Variants in ZNF880 observed in about 807,000 individuals in gnomAD.
The protein encoded by ZNF880 is zinc finger protein LOC400713.
Under a neutral mutation model 11.8 loss-of-function variants are expected in ZNF880, and 12 were observed. The observed-to-expected ratio is 1.02, with a 90% confidence interval of 0.65 to 1.65. The LOEUF is 1.65. Among genes scored for constraint, ZNF880 ranks in the 40% most tolerant of loss-of-function variants. The pLI, the probability that ZNF880 is intolerant of heterozygous loss-of-function variation, is 0.00. For synonymous variants in ZNF880, 210 were observed against 232.4 expected, an observed-to-expected ratio of 0.90 and a Z score of 0.88; for missense variants, 601 against 673.9, an observed-to-expected ratio of 0.89 and a Z score of 1.20.
At chr19:52,388,282 CTTTT>C (rs68179783), downstream of ZNF880, among the ~76,000 whole-genome samples, 4 of 63,414 alleles carry the variant, frequency 6.3e-5, no homozygotes, top group East Asian at 3.8e-4. Context: ...GCAATTTGAA[CTTTT>C]TTTTTTTTTT....
upstream of ZNF880, among the ~76,000 whole-genome samples, chr19:52,369,219 C>G (rs1331983862): frequency 1.3e-5 from 2 of 150,692 alleles, no homozygotes; most frequent in Middle Eastern, 6.8e-3. Context: ...AAAAGTAGCC[C>G]GGTGTGGTGG....
At chr19:52,376,467 G>A (rs1986552858) in intron 3 of ZNF880, among the ~76,000 whole-genome samples, 1 of 128,724 alleles carries the variant, frequency 7.8e-6, no homozygotes, top group Non-Finnish European at 1.6e-5. Context: ...ATTTTCTTTT[G>A]ACAATTGTCT....
At chr19:52,369,771 C>A, upstream of ZNF880, 2 of 630,086 alleles carry the variant, frequency 3.2e-6, no homozygotes, top group Non-Finnish European at 5.6e-6. Flanking sequence ...TCTGCCGGGA[C>A]ACAATCTATT....
intron 3 of ZNF880, among the ~76,000 whole-genome samples, chr19:52,380,332 T>G (rs1025484430): frequency 6.6e-6 from 1 of 152,064 alleles, no homozygotes. Context: ...TATTCCATAT[T>G]GGATGTGAGA....
chr19:52,377,887 A>G (rs1005534617), intron 3 of ZNF880, among the ~76,000 whole-genome samples: 29 of 152,126 alleles, frequency 1.9e-4, no homozygotes, highest in African/African-American at 7.0e-4. Context: ...TTGCTCTGTC[A>G]CAGGCTGTAG....
intron 1 of ZNF880, among the ~76,000 whole-genome samples, chr19:52,372,286 ACT>A (rs1986397849): frequency 6.9e-6 from 1 of 145,760 alleles, no homozygotes; most frequent in African/African-American, 2.7e-5. Context: ...AGAAATCTCT[ACT>A]AATTTTTTTT....
Position 52,378,471 on chromosome 19 carries a change from C to T in ZNF880, c.268+4044C>T, listed in dbSNP as rs557583335. On this transcript the variant is annotated intron_variant, in intron 3 of 3. Transcript: ENST00000422689. ...CATCCTGGCCAACATGGTGAAACCCCGTCTCTACTAAGAATATAAAAAAAA... is the reference window on the plus strand; with the variant it reads ...CATCCTGGCCAACATGGTGAAACCCTGTCTCTACTAAGAATATAAAAAAAA... Among the ~76,000 whole-genome samples the T allele has an allele frequency of 1.6e-4, 24 of 151,622 alleles. No individual in the cohort carries two copies. In the East Asian group the frequency reaches 3.9e-3, roughly 25 times the overall value.
the ZNF880 span, among the ~76,000 whole-genome samples, chr19:52,392,292 TTC>T: frequency 6.6e-6 from 1 of 151,302 alleles, no homozygotes; most frequent in African/African-American, 2.4e-5. Context: ...CTTCCTCCCT[TTC>T]TCTCTCTCTT....
Position 52,384,266 on chromosome 19 carries a change from A to C in ZNF880, c.686A>C (p.Gln229Pro). The change falls in exon 4 of 4, where the codon CAA becomes CCA. Residue 229 changes from glutamine to proline, a missense_variant. Gln to Pro is a moderately conservative substitution (Grantham distance 76). Around this residue, in one of 3 missense-constraint regions of ZNF880, gnomAD observed 420 missense variants for 442.6 expected, o/e 0.95. Coordinates refer to ENST00000422689, the MANE Select transcript of ZNF880 (RefSeq NM_001145434.2). ...TTCAGTAACAGTTCAAACCTTGTAC[A>C]ACATCAAAGAATTCATACTGGAGAG... Reference protein sequence around the residue: ...KVFSNSSNLVQHQRIHTGEKP... With the variant: ...KVFSNSSNLVPHQRIHTGEKP... The C allele has an allele frequency of 6.2e-7, 1 of 1,613,442 alleles. No homozygotes were observed.
At chr19:52,397,159 T>TTG in the ZNF880 span, 1 of 151,288 alleles carries the variant, frequency 6.6e-6, no homozygotes, top group African/African-American at 2.4e-5. Flanking sequence ...CTGGCTTTTT[T>TTG]TTTTTAAAGA....
At position 52,384,692 on chromosome 19, in the gene ZNF880, A is replaced by G. The variant is rs757806130; in HGVS notation, c.1112A>G (p.Gln371Arg). Reference protein sequence around the residue: ...FNRNAHLTRHQRIHTGEKPYE... With the variant: ...FNRNAHLTRHRRIHTGEKPYE... The stretch of plus-strand genomic sequence containing the variant: ...CGAAATGCACACCTTACCAGACATC[A>G]AAGAATCCATACTGGAGAGAAACCT... The change falls in exon 4 of 4, where the codon CAA (glutamine) becomes CGA (arginine). Residue 371 changes from glutamine (Q) to arginine (R), a missense_variant. Physicochemically the swap from Gln to Arg is conservative, Grantham distance 43. Transcript: ENST00000422689. 1.2e-6 allele frequency: 2 copies of G among 1,613,270 alleles called. No individual in the cohort carries two copies. Among genetic ancestry groups the G allele is most frequent in the East Asian group, 2.2e-5 (1 of 44,860 alleles).
chr19:52,381,648 A>AT (rs34824772), intron 3 of ZNF880, among the ~76,000 whole-genome samples: 112,278 of 151,828 alleles, frequency 0.74, 42,149 homozygotes, highest in Middle Eastern at 0.85. Context: ...AATCTTGTAG[A>AT]TTTTTTTCCC....
rs866817944 is a variant in ZNF880 at position 52,385,105 on chromosome 19, C to T, written c.1525C>T (p.Arg509Ter). 7.7e-6 allele frequency: 12 copies of T among 1,558,064 alleles called. No individual in the cohort carries two copies. Among genetic ancestry groups the T allele is most frequent in the African/African-American group, 4.1e-5 (3 of 73,080 alleles). The change falls in exon 4 of 4, where the codon CGA becomes TGA. Residue 509 changes from arginine (R) to a stop codon, truncating the protein, a stop_gained. Coordinates refer to ENST00000422689, the MANE Select transcript of ZNF880 (RefSeq NM_001145434.2). LOFTEE classifies it low-confidence loss of function (END_TRUNC). ...KVFSHNSHLA[R>*]HRQIHTGEKS... ...CTTTAGTCACAATTCACACCTTGCA[C>T]GACATAGGCAAATTCATACTGGAGA...
chr19:52,373,299 G>A, intron 2 of ZNF880, 62 bp downstream of exon 2: 1 of 1,538,474 alleles, frequency 6.5e-7, no homozygotes, highest in Non-Finnish European at 8.8e-7. Context: ...ATTTTGTCGT[G>A]TGCCTCTTAG....
Position 52,385,419 on chromosome 19 carries a change from C to A in ZNF880, c.*105C>A. 7.8e-7 allele frequency: 1 copy of A among 1,278,904 alleles called. No homozygotes were observed. The highest frequency in any genetic ancestry group is 1.1e-6 in the Non-Finnish European group (1 of 933,810). The allele number at this position is 1,278,904 out of a possible 1,614,324, so 79.2% of individuals were successfully genotyped here. A position where few individuals can be genotyped will look rare whatever the true frequency, so the allele number is the denominator to read the frequency against. On this transcript the variant is annotated 3_prime_UTR_variant, in exon 4 of 4. Coordinates refer to ENST00000422689, the MANE Select transcript of ZNF880 (RefSeq NM_001145434.2). ...AACTGAGTATGGCAAACTCTTCATG[C>A]TAAGTTCTAGCATTAATCAACATCA...
upstream of ZNF880, among the ~76,000 whole-genome samples, chr19:52,369,583 C>CA (rs1217403819): frequency 2.6e-5 from 4 of 152,056 alleles, no homozygotes; most frequent in Non-Finnish European, 5.9e-5. Context: ...CTCTCATGCC[C>CA]AGGCGGGAGT....
rs775112878 is a variant in ZNF880, at chr19:52,384,851, C to A, written c.1271C>A (p.Thr424Asn). ...GCATTTAGAGACTGTTCAGGCCTTA[C>A]TGCCCATCTACTAATTCACACTGGA... ...GKAFRDCSGL[T>N]AHLLIHTGEK... Residue 424 changes from threonine (T) to asparagine (N), a missense_variant, in exon 4 of 4, where the codon ACT becomes AAT. Coordinates refer to ENST00000422689, the MANE Select transcript of ZNF880 (RefSeq NM_001145434.2). The A allele has an allele frequency of 2.8e-6, 4 of 1,450,326 alleles. No homozygotes were observed. The highest frequency in any genetic ancestry group is 5.1e-5 in the East Asian group (2 of 39,394). The allele number at this position is 1,450,326 out of a possible 1,614,324, so 89.8% of individuals were successfully genotyped here.
chr19:52,393,770 T>C, the ZNF880 span, among the ~76,000 whole-genome samples: 6 of 152,110 alleles, frequency 3.9e-5, no homozygotes, highest in Non-Finnish European at 8.8e-5. Context: ...TTTATCAGCA[T>C]TTGGTAGTTG....
the ZNF880 span, among the ~76,000 whole-genome samples, chr19:52,393,164 C>G: frequency 1.3e-5 from 2 of 151,848 alleles, no homozygotes; most frequent in Admixed American, 1.3e-4. Flanking sequence ...CCTCTGCCTC[C>G]CAGGTTTAAG....
Sources: allele counts gnomAD v4.1 joint callset (sites outside exome capture counted in the v4.1 genomes callset), GRCh38; gene constraint gnomAD v4.1.1; regional missense constraint gnomAD v4.1.1; transcripts MANE v1.5; gene names NCBI Gene and HGNC (gene_info 2026-07-23, HGNC 2026-07-21).